Variants in SMU1 observed in about 807,000 individuals in gnomAD.
SMU1 encodes the protein WD40 repeat-containing protein SMU1.
SMU1 carries 2 observed loss-of-function variants against 62.0 expected under a neutral mutation model. The observed-to-expected ratio is 0.03, with a 90% CI of 0.01 to 0.10. SMU1 has a LOEUF of 0.10. Ranked by LOEUF, SMU1 falls within the 10% of genes least tolerant of loss-of-function variation. The pLI, the probability that SMU1 is intolerant of heterozygous loss-of-function variation, is 1.00. For synonymous variants in SMU1, 188 were observed against 212.4 expected, an observed-to-expected ratio of 0.89 and a Z score of 1.00; for missense variants, 227 against 622.1, an observed-to-expected ratio of 0.36 and a Z score of 6.76.
chr9:33,057,294 TA>T (rs543257338), intron 7 of SMU1, among the ~76,000 whole-genome samples: 9 of 151,214 alleles, frequency 6.0e-5, no homozygotes, highest in Non-Finnish European at 4.4e-5. Context: ...ACCATCCCCT[TA>T]AAAAAAAAGT....
intron 4 of SMU1, among the ~76,000 whole-genome samples, chr9:33,063,304 G>A (rs1459877675): frequency 6.6e-6 from 1 of 152,094 alleles, no homozygotes; most frequent in Non-Finnish European, 1.5e-5. Context: ...AGAGGTTGCA[G>A]TGAGCCAAGA....
At chr9:33,060,037 G>C (rs556325456) in intron 6 of SMU1, among the ~76,000 whole-genome samples, 1 of 151,706 alleles carries the variant, frequency 6.6e-6, no homozygotes, top group Non-Finnish European at 1.5e-5. Context: ...TTGTTTTTGA[G>C]ACAGTGTTGC....
At chr9:33,052,630 A>T (rs1264961039) in intron 10 of SMU1, among the ~76,000 whole-genome samples, 6 of 152,160 alleles carry the variant, frequency 3.9e-5, no homozygotes, top group South Asian at 4.1e-4. Context: ...GATGCTTCTG[A>T]CACCCCCAGT....
intron 4 of SMU1, 27 bp from the exon 5 acceptor site, chr9:33,062,204 A>C: frequency 6.2e-7 from 1 of 1,604,062 alleles, no homozygotes; most frequent in Non-Finnish European, 8.5e-7. Flanking sequence ...AAATATAGCA[A>C]TCTGTTCAGG....
At position 33,045,853 on chromosome 9, in the gene SMU1, AAAAT is replaced by A. The variant is rs1839179294; in HGVS notation, c.*1436_*1439del. Reference sequence around the variant, plus strand: ...GAGCAAGACTCCATCTCAGAAAAATAAAATAAATTTTTTAAAAAGGTAAATTACA... The same window carrying A: ...GAGCAAGACTCCATCTCAGAAAAATAAAATTTTTTAAAAAGGTAAATTACA... On this transcript the variant is annotated 3_prime_UTR_variant, in exon 12 of 12. Transcript: ENST00000397149. 1.3e-5 allele frequency: 2 copies of A among 152,240 alleles called. No individual in the cohort carries two copies. Among genetic ancestry groups the A allele is most frequent in the African/African-American group, 4.8e-5 (2 of 41,448 alleles). 9.4% of individuals were successfully genotyped at this position (152,240 alleles called of 1,614,324 possible).
chr9:33,048,263 A>G lies in SMU1; in HGVS notation c.1291-5T>C. 6.2e-7 allele frequency: 1 copy of G among 1,614,086 alleles called. No homozygotes were observed. The highest frequency in any genetic ancestry group is 1.1e-5 in the South Asian group (1 of 91,072). On this transcript the variant is annotated splice_polypyrimidine_tract_variant and splice_region_variant and intron_variant, in intron 10 of 11. Coordinates refer to ENST00000397149, the MANE Select transcript of SMU1 (RefSeq NM_018225.3). Reference sequence around the variant, plus strand: ...AGAACTGAAGCTTCTGACAATCTAGATCACACCACACCCCAAGAAAAAAAC... The same window carrying G: ...AGAACTGAAGCTTCTGACAATCTAGGTCACACCACACCCCAAGAAAAAAAC...
intron 4 of SMU1, 115 bp downstream of exon 4, chr9:33,068,709 T>C: frequency 1.7e-6 from 2 of 1,203,712 alleles, no homozygotes; most frequent in Non-Finnish European, 2.3e-6. Flanking sequence ...CTCACAATGT[T>C]GCTTAGGCTG....
Position 33,042,514 on chromosome 9 carries a change from G to C in SMU1, c.*4779C>G, listed in dbSNP as rs968480797. 1 of 152,208 alleles carries C rather than the reference G, an allele frequency of 6.6e-6. No individual in the cohort carries two copies. The highest frequency in any genetic ancestry group is 1.5e-5 in the Non-Finnish European group (1 of 68,044). The allele number at this position is 152,208 out of a possible 1,614,324, so 9.4% of individuals were successfully genotyped here. A position where few individuals can be genotyped will look rare whatever the true frequency, so the allele number is the denominator to read the frequency against. On this transcript the variant is annotated 3_prime_UTR_variant, in exon 12 of 12. Coordinates refer to ENST00000397149, the MANE Select transcript of SMU1 (RefSeq NM_018225.3). ...TAGAGGCCAATTATGTCGCTTGAGA[G>C]TGCTCTTGGAACAGTGGCAAATTTT... is the stretch of plus-strand genomic sequence containing the variant.
chr9:33,048,750 C>T (rs1310313980), intron 10 of SMU1, among the ~76,000 whole-genome samples: 1 of 152,170 alleles, frequency 6.6e-6, no homozygotes, highest in Non-Finnish European at 1.5e-5. Context: ...GAACAGTTTA[C>T]ATACTATATG....
chr9:33,057,088 T>C, intron 7 of SMU1, 124 bp from the exon 8 acceptor site: 1 of 935,550 alleles, frequency 1.1e-6, no homozygotes, highest in South Asian at 1.7e-5. Context: ...AAATGCACGC[T>C]AATAGCTGAA....
intron 4 of SMU1, among the ~76,000 whole-genome samples, chr9:33,067,297 CAAAAAAAAAAAA>C (rs58105257): frequency 2.8e-4 from 15 of 52,768 alleles, no homozygotes; most frequent in Middle Eastern, 0.01. Context: ...TGCTAATGAC[CAAAAAAAAAAAA>C]AAAAAAAAAA....
chr9:33,075,086 ACAAC>A (rs1839530703), intron 1 of SMU1, among the ~76,000 whole-genome samples: 1 of 152,080 alleles, frequency 6.6e-6, no homozygotes, highest in South Asian at 2.1e-4. Context: ...CTTCTTAAAA[ACAAC>A]TATAGGCCGG....
At chr9:33,051,792 C>T (rs987709567) in intron 10 of SMU1, among the ~76,000 whole-genome samples, 2 of 152,062 alleles carry the variant, frequency 1.3e-5, no homozygotes, top group Non-Finnish European at 2.9e-5. Context: ...CAGTGGCTCA[C>T]GCCTGTAATC....
chr9:33,069,455 C>G (rs754602930), intron 3 of SMU1, among the ~76,000 whole-genome samples: 1 of 152,218 alleles, frequency 6.6e-6, no homozygotes, highest in Non-Finnish European at 1.5e-5. Flanking sequence ...CTATTAAGTT[C>G]TTCTTCCTCC....
chr9:33,072,380 T>A (rs1273467119), intron 2 of SMU1, among the ~76,000 whole-genome samples: 1 of 152,112 alleles, frequency 6.6e-6, no homozygotes, highest in East Asian at 1.9e-4. Flanking sequence ...ACTCTATCCT[T>A]CATTTTTATC....
rs1839369409 is a variant in SMU1 at position 33,062,169 on chromosome 9, C to T, written c.510G>A (p.Lys170=). The T allele has an allele frequency of 6.2e-7, 1 of 1,612,298 alleles. No homozygotes were observed. The highest frequency in any genetic ancestry group is 1.7e-5 in the Admixed American group (1 of 59,584). ...RLMALLGQAL[K]WQQHQGLLPP... is the part of the protein sequence containing the mutation. ...GAAGCAATCCCTGATGCTGCTGCCA[C>T]TTCAGTGCCTATGAGGAAAAAAAAA... The change falls in exon 5 of 12, where the codon AAG becomes AAA. Residue 170 remains lysine, a synonymous_variant. Coordinates refer to ENST00000397149, the MANE Select transcript of SMU1 (RefSeq NM_018225.3).
chr9:33,067,428 T>G (rs1415287034), intron 4 of SMU1, among the ~76,000 whole-genome samples: 2 of 151,438 alleles, frequency 1.3e-5, no homozygotes, highest in Non-Finnish European at 2.9e-5. Flanking sequence ...TTTTTCACTG[T>G]AAGCCCTGAA....
At chr9:33,052,911 T>C (rs961704502) in intron 10 of SMU1, among the ~76,000 whole-genome samples, 1 of 152,240 alleles carries the variant, frequency 6.6e-6, no homozygotes, top group African/African-American at 2.4e-5. Flanking sequence ...AAGTGCTTAA[T>C]ATACAAACAT....
chr9:33,073,259 G>A (rs751853801), intron 2 of SMU1, among the ~76,000 whole-genome samples: 17 of 151,992 alleles, frequency 1.1e-4, no homozygotes, highest in Non-Finnish European at 2.1e-4. Flanking sequence ...TTAGGCAGGC[G>A]TGGTGGTGCG....
Sources: gnomAD v4.1 joint callset for allele counts (sites outside exome capture counted in the v4.1 genomes callset) on GRCh38, gnomAD v4.1.1 for gene constraint, MANE v1.5 for transcripts, NCBI Gene and HGNC (gene_info 2026-07-23, HGNC 2026-07-21) for gene names.